PCDHGA8: variants seen among roughly 807,000 people sequenced by gnomAD.
PCDHGA8 encodes protocadherin gamma-A8.
In PCDHGA8, 45 loss-of-function variants were observed where a neutral mutation model predicts 59.2. The ratio of observed to expected loss-of-function variants is 0.76; its 90% CI spans 0.60 to 0.98. PCDHGA8 has a LOEUF of 0.98. Among genes scored for constraint, PCDHGA8 ranks in the 50% least tolerant of loss-of-function variants. PCDHGA8 has a pLI of 0.00. For synonymous variants in PCDHGA8, 531 were observed against 519.0 expected (o/e 1.02, Z -0.32); for missense variants, 1,257 against 1,196.2 (o/e 1.05, Z -0.75).
intron 1 of PCDHGA8, among the ~76,000 whole-genome samples, chr5:141,447,954 CGGACACCTA>C (rs2098556369): frequency 6.6e-6 from 1 of 151,814 alleles, no homozygotes; most frequent in Non-Finnish European, 1.5e-5. Context: ...GGCATGGTGG[CGGACACCTA>C]TAATCCCAGC....
In PCDHGA8 at chr5:141,460,961, A is replaced by ATATGTGTGTG. The variant is rs1463306338; in HGVS notation, c.2425-33845_2425-33844insATGTGTGTGT. On this transcript the variant is annotated intron_variant, in intron 1 of 3. Coordinates refer to ENST00000398604, the MANE Select transcript of PCDHGA8 (RefSeq NM_032088.2). ...ATATATATGTATTATGTATATATAT[A>ATATGTGTGTG]TGTGTGTGTGTGTGTGTGTGTGTAT... Among the ~76,000 whole-genome samples the ATATGTGTGTG allele has an allele frequency of 1.3e-3, 194 of 144,616 alleles. 1 individual carries two copies. The highest frequency in any genetic ancestry group is 4.7e-3 in the African/African-American group (182 of 38,716). 94.9% of individuals were successfully genotyped at this position (144,616 alleles called of 152,430 possible). A position where few individuals can be genotyped will look rare whatever the true frequency, so the allele number is the denominator to read the frequency against.
intron 1 of PCDHGA8, chr5:141,409,242 T>C (rs372196346): frequency 1.4e-5 from 22 of 1,613,864 alleles, no homozygotes; most frequent in Middle Eastern, 1.6e-4. Context: ...AGCCCAGAAA[T>C]AATCATCACT....
intron 1 of PCDHGA8, chr5:141,414,643 C>G (rs765652709): frequency 1.2e-6 from 2 of 1,613,942 alleles, no homozygotes; most frequent in Non-Finnish European, 8.5e-7. Flanking sequence ...AGAGAATGCC[C>G]AGATTATTTA....
At chr5:141,448,748 G>A (rs1476665217) in intron 1 of PCDHGA8, among the ~76,000 whole-genome samples, 1 of 151,980 alleles carries the variant, frequency 6.6e-6, no homozygotes, top group Admixed American at 6.6e-5. Context: ...AGACCATCCT[G>A]GCTAACACGG....
At chr5:141,478,177 A>G (rs769503109) in intron 1 of PCDHGA8, 1 of 1,613,988 alleles carries the variant, frequency 6.2e-7, no homozygotes, top group South Asian at 1.1e-5. Context: ...GGGAGCAGAA[A>G]AAAAATCTCA....
intron 1 of PCDHGA8, chr5:141,403,617 G>A (rs369607013): frequency 1.8e-4 from 288 of 1,613,738 alleles, no homozygotes; most frequent in East Asian, 1.0e-3. Context: ...GAGCCGCGTC[G>A]CTCCAGCACA....
At chr5:141,469,104 C>G (rs1046234848) in intron 1 of PCDHGA8, among the ~76,000 whole-genome samples, 3 of 151,760 alleles carry the variant, frequency 2.0e-5, no homozygotes, top group Middle Eastern at 3.2e-3. Flanking sequence ...AAGCAAGAAC[C>G]TGTCTCTAAA....
At chr5:141,427,972 C>T (rs1368719718) in intron 1 of PCDHGA8, 1 of 1,593,948 alleles carries the variant, frequency 6.3e-7, no homozygotes, top group South Asian at 1.1e-5. Flanking sequence ...GTGCTGTACC[C>T]CGCGCTGGGG....
intron 1 of PCDHGA8, among the ~76,000 whole-genome samples, chr5:141,447,761 T>C (rs2098551051): frequency 1.3e-5 from 2 of 152,186 alleles, no homozygotes; most frequent in African/African-American, 4.8e-5. Context: ...TGACTGTATA[T>C]AAATTATACT....
intron 1 of PCDHGA8, chr5:141,419,317 T>G: frequency 1.2e-6 from 2 of 1,613,952 alleles, no homozygotes; most frequent in Non-Finnish European, 1.7e-6. Context: ...TCAACGGCCG[T>G]GTCTCCTACT....
chr5:141,400,198 G>A (rs559051247), intron 1 of PCDHGA8: 4 of 1,613,926 alleles, frequency 2.5e-6, no homozygotes, highest in Non-Finnish European at 2.5e-6. Flanking sequence ...CCTAGTGGTG[G>A]CCTTGGCCTT....
At position 141,393,535 on chromosome 5, in the gene PCDHGA8, T is replaced by G; in HGVS notation, c.722T>G (p.Val241Gly). 6.2e-7 allele frequency: 1 copy of G among 1,613,888 alleles called. No individual in the cohort carries two copies. Among genetic ancestry groups the G allele is most frequent in the Non-Finnish European group, 8.5e-7 (1 of 1,179,882 alleles). The change falls in exon 1 of 4, where the codon GTT becomes GGT. Residue 241 changes from valine to glycine, a missense_variant. Val to Gly is a moderately radical substitution (Grantham distance 109, BLOSUM62 -3). Transcript: ENST00000398604. ...TTGGATACAAATGACAATGCCCCGG[T>G]TTTTCCTCACCCGATTTACCGAGTG... ...TVLDTNDNAP[V>G]FPHPIYRVKV...
chr5:141,410,841 G>GT, intron 1 of PCDHGA8: 1 of 214,604 alleles, frequency 4.7e-6, no homozygotes, highest in Non-Finnish European at 7.8e-6. Context: ...AAGATATTTT[G>GT]TCTTTGTCTT....
At chr5:141,464,944 G>T (rs1379789566) in intron 1 of PCDHGA8, among the ~76,000 whole-genome samples, 1 of 151,826 alleles carries the variant, frequency 6.6e-6, no homozygotes, top group African/African-American at 2.4e-5. Context: ...GTCTCACTAT[G>T]TTGCCCAGGC....
Position 141,414,286 on chromosome 5 carries a change from G to A in PCDHGA8, c.2424+19049G>A, listed in dbSNP as rs2095728607. ...AGATTCACCTCTGGGAACAGTCGTA[G>A]CCCTTTTAAATGTGCATGATTTAGA... On this transcript the variant is annotated intron_variant, in intron 1 of 3. Coordinates refer to ENST00000398604, the MANE Select transcript of PCDHGA8 (RefSeq NM_032088.2). 1.9e-6 allele frequency: 3 copies of A among 1,613,586 alleles called. No individual in the cohort carries two copies. The highest frequency in any genetic ancestry group is 2.5e-6 in the Non-Finnish European group (3 of 1,179,770).
At chr5:141,428,145 A>T (rs748256830) in intron 1 of PCDHGA8, 11 of 1,592,456 alleles carry the variant, frequency 6.9e-6, no homozygotes, top group Non-Finnish European at 8.6e-7. Flanking sequence ...GGGGCTGCAC[A>T]CGGGAACCTG....
Position 141,477,649 on chromosome 5 carries a change from A to G in PCDHGA8, c.2425-17158A>G, listed in dbSNP as rs2099415032. 3.7e-6 allele frequency: 6 copies of G among 1,614,076 alleles called. No individual in the cohort carries two copies. Among genetic ancestry groups the G allele is most frequent in the Non-Finnish European group, 5.1e-6 (6 of 1,180,048 alleles). ...CCGGGCTAGTGGGTCGCTATTTCAC[A>G]ATAAATCGTGACAATGGCATAGTGT... On this transcript the variant is annotated intron_variant, in intron 1 of 3. Transcript: ENST00000398604. The surrounding 1 kb of genome is among the most constrained non-coding windows in gnomAD (Gnocchi z 4.9).
chr5:141,398,111 T>C, intron 1 of PCDHGA8: 1 of 1,594,080 alleles, frequency 6.3e-7, no homozygotes, highest in East Asian at 2.2e-5. Context: ...GTGAGCAAGC[T>C]GAGGAGAGCA....
chr5:141,486,148 G>A lies in PCDHGA8; in HGVS notation c.2425-8659G>A. On this transcript the variant is annotated intron_variant, in intron 1 of 3. Coordinates refer to ENST00000398604, the MANE Select transcript of PCDHGA8 (RefSeq NM_032088.2). This position sits in a 1 kb window ranked among gnomAD's most constrained non-coding sequence, Gnocchi z 5.0. ...AATTTGATGTGCGGGCTCGCGATGG[G>A]GGTTCTCCAGCCATGGAGCAACATT... 2 of 1,614,164 alleles carry A rather than the reference G, an allele frequency of 1.2e-6. No homozygotes were observed. The highest frequency in any genetic ancestry group is 1.7e-6 in the Non-Finnish European group (2 of 1,180,026).
Sources: allele counts gnomAD v4.1 joint callset (sites outside exome capture counted in the v4.1 genomes callset), GRCh38; gene constraint gnomAD v4.1.1; non-coding constraint Gnocchi (gnomAD v3.1); transcripts MANE v1.5; gene names NCBI Gene and HGNC (gene_info 2026-07-23, HGNC 2026-07-21).